RGS3: variants seen among roughly 807,000 people sequenced by gnomAD.
RGS3 encodes the protein regulator of G protein signaling 3.
A neutral mutation model predicts 132.6 loss-of-function variants in RGS3; 80 were observed. That is an observed-to-expected ratio of 0.60 (90% CI 0.50 to 0.73). The LOEUF (loss-of-function observed/expected upper bound fraction) is 0.73. Ranked by LOEUF, RGS3 falls within the 30% of genes least tolerant of loss-of-function variation. The pLI, the probability that RGS3 is intolerant of heterozygous loss-of-function variation, is 0.00. For synonymous variants in RGS3, 598 were observed against 620.6 expected, an observed-to-expected ratio of 0.96 and a Z score of 0.54; for missense variants, 1,382 against 1,530.8, an observed-to-expected ratio of 0.90 and a Z score of 1.62.
At chr9:113,498,147 G>A (rs990711815) in intron 10 of RGS3, 67 bp downstream of exon 8, 16 of 1,452,118 alleles carry the variant, frequency 1.1e-5, no homozygotes, top group Admixed American at 6.8e-5. Flanking sequence ...CCCTGGGCCC[G>A]GGAAACCCCT....
At chr9:113,501,692 A>G in intron 10 of RGS3, 1 of 1,475,158 alleles carries the variant, frequency 6.8e-7, no homozygotes, top group Admixed American at 2.0e-5. Flanking sequence ...TAGAGGGACC[A>G]TCTGAGAAGG....
intron 19 of RGS3, chr9:113,582,609 A>G (rs1361670187): frequency 2.6e-5 from 4 of 152,212 alleles, no homozygotes; most frequent in African/African-American, 7.2e-5. Context: ...CGGGGCCCCA[A>G]TCTTCTGGTG....
At chr9:113,503,831 C>G (rs1564496304) in intron 10 of RGS3, among the ~76,000 whole-genome samples, 1 of 152,214 alleles carries the variant, frequency 6.6e-6, no homozygotes. Context: ...CTTCCCTGGC[C>G]TCAGGCGGGC....
chr9:113,498,425 T>A (rs927321606), intron 10 of RGS3, among the ~76,000 whole-genome samples: 1 of 152,078 alleles, frequency 6.6e-6, no homozygotes, highest in Non-Finnish European at 1.5e-5. Context: ...CGAATCACCC[T>A]CCCAGGTTAG....
chr9:113,588,209 A>G (rs573995539), intron 20 of RGS3, among the ~76,000 whole-genome samples: 2 of 152,360 alleles, frequency 1.3e-5, no homozygotes, highest in South Asian at 4.1e-4. Flanking sequence ...CGTAGGTCAG[A>G]GATCAGACGA....
chr9:113,595,204 GC>G (rs1174615193), intron 23 of RGS3: 1 of 593,164 alleles, frequency 1.7e-6, no homozygotes, highest in Non-Finnish European at 3.0e-6. Context: ...GGCACTGCCT[GC>G]CGGAGGCCCG....
At chr9:113,483,072 A>C (rs1223646398) in exon 5 of RGS3, 8 of 1,613,878 alleles carry the variant, frequency 5.0e-6, no homozygotes, top group African/African-American at 1.3e-5. Flanking sequence ...TAGAAGGTAA[A>C]GGCCTGATCA....
intron 18 of RGS3, chr9:113,536,564 C>T: frequency 1.5e-6 from 2 of 1,330,800 alleles, no homozygotes; most frequent in Admixed American, 3.1e-5. Flanking sequence ...CCTTCCTCCC[C>T]TCCCCCAACC....
chr9:113,587,909 C>T (rs1292283717), intron 20 of RGS3, among the ~76,000 whole-genome samples: 1 of 152,218 alleles, frequency 6.6e-6, no homozygotes, highest in African/African-American at 2.4e-5. Context: ...GCCGCCAGAC[C>T]CCTGCCTTCC....
intron 3 of RGS3, among the ~76,000 whole-genome samples, chr9:113,470,897 C>G (rs537233323): frequency 6.6e-6 from 1 of 152,180 alleles, no homozygotes; most frequent in Admixed American, 6.5e-5. Context: ...CCTAGGAGGT[C>G]AAGACTACAG....
intron 11 of RGS3, among the ~76,000 whole-genome samples, 183 bp downstream of exon 9, chr9:113,505,706 CT>C (rs35702632): frequency 1.9e-4 from 29 of 151,590 alleles, no homozygotes; most frequent in African/African-American, 5.8e-4. Flanking sequence ...AATATGCCCA[CT>C]TTTTTTTTGT....
intron 19 of RGS3, among the ~76,000 whole-genome samples, chr9:113,539,805 T>C (rs994952396): frequency 5.9e-5 from 9 of 152,204 alleles, no homozygotes; most frequent in Non-Finnish European, 1.2e-4. Context: ...ACGTAATAAG[T>C]GCAATTTACC....
chr9:113,466,622 A>G (rs1588135253), intron 3 of RGS3, among the ~76,000 whole-genome samples: 1 of 152,166 alleles, frequency 6.6e-6, no homozygotes, highest in South Asian at 2.1e-4. Context: ...TTATTGTGAA[A>G]AATGATGTAA....
intron 18 of RGS3, among the ~76,000 whole-genome samples, chr9:113,535,317 G>A (rs1233069436): frequency 6.6e-6 from 1 of 152,072 alleles, no homozygotes; most frequent in Non-Finnish European, 1.5e-5. Flanking sequence ...GGGATTACAG[G>A]CACATGCCAC....
chr9:113,565,059 T>C lies in RGS3; in HGVS notation c.2038-18391T>C. 1 of 1,135,730 alleles carries C rather than the reference T, an allele frequency of 8.8e-7. No homozygotes were observed. Among genetic ancestry groups the C allele is most frequent in the Non-Finnish European group, 1.1e-6 (1 of 913,818 alleles). The allele number at this position is 1,135,730 out of a possible 1,614,324, so 70.4% of individuals were successfully genotyped here. On this transcript the variant is annotated intron_variant, in intron 19 of 24. Coordinates refer to ENST00000350696, the Ensembl canonical transcript of RGS3. The surrounding 1 kb of genome is among the most constrained non-coding windows in gnomAD (Gnocchi z 5.7). ...GGGTGGAGCCTGCTAGGGATCCCAGTGCCAGGGGGTGCCGTTGTGAGGGAT... is the reference window on the plus strand; with the variant it reads ...GGGTGGAGCCTGCTAGGGATCCCAGCGCCAGGGGGTGCCGTTGTGAGGGAT...
chr9:113,574,014 C>T (rs1215856986), intron 19 of RGS3, among the ~76,000 whole-genome samples: 2 of 152,128 alleles, frequency 1.3e-5, no homozygotes, highest in African/African-American at 4.8e-5. Flanking sequence ...TCTCTAACTC[C>T]TAGTTTTCTT....
At chr9:113,459,656 A>T (rs972157155), upstream of RGS3, among the ~76,000 whole-genome samples, 1 of 152,026 alleles carries the variant, frequency 6.6e-6, no homozygotes, top group African/African-American at 2.4e-5. Context: ...AGGCTGAGGT[A>T]TGAGAATCGC....
In RGS3 at chr9:113,579,902, G is replaced by A. The variant is rs181150687; in HGVS notation, c.2038-3548G>A. ...AGCACAGCTCTGCCTGTGGCATTTC[G>A]TTGCTCACAGGGCAAATCCCATGCC... On this transcript the variant is annotated intron_variant, in intron 19 of 24. Transcript: ENST00000350696. This position sits in a 1 kb window ranked among gnomAD's most constrained non-coding sequence, Gnocchi z 4.3. 3.9e-5 allele frequency among the ~76,000 whole-genome samples: 6 copies of A among 152,260 alleles called. No individual in the cohort carries two copies. In the East Asian group the frequency reaches 5.8e-4, roughly 15 times the overall value.
rs1051640500 is a variant in RGS3 at position 113,484,338 on chromosome 9, A to C, written c.620+106A>C. The C allele has an allele frequency of 1.6e-5, 8 of 499,982 alleles. 1 individual carries two copies. Among genetic ancestry groups the C allele is most frequent in the Admixed American group, 3.4e-5 (1 of 29,232 alleles). 31.0% of individuals were successfully genotyped at this position (499,982 alleles called of 1,614,324 possible). A position where few individuals can be genotyped will look rare whatever the true frequency, so the allele number is the denominator to read the frequency against. The stretch of plus-strand genomic sequence containing the variant: ...GAACTAGATCTATGCAAAAAAAAAA[A>C]AAAAAAAAAAACCAAAACAAAAAAA... On this transcript the variant is annotated intron_variant, in intron 6 of 24. Coordinates refer to ENST00000350696, the Ensembl canonical transcript of RGS3.
Sources: allele counts gnomAD v4.1 joint callset (sites outside exome capture counted in the v4.1 genomes callset), GRCh38; gene constraint gnomAD v4.1.1; non-coding constraint Gnocchi (gnomAD v3.1); transcripts MANE v1.5; gene names NCBI Gene and HGNC (gene_info 2026-07-23, HGNC 2026-07-21).